LCORL: variants seen among roughly 807,000 people sequenced by gnomAD.
The protein encoded by LCORL is ligand dependent nuclear receptor corepressor like.
Under a neutral mutation model 141.8 loss-of-function variants are expected in LCORL, and 41 were observed. That is an observed-to-expected ratio of 0.29 (90% CI 0.23 to 0.38). The LOEUF (loss-of-function observed/expected upper bound fraction) is 0.38, where lower values mean the gene tolerates loss of function less well. Ranked by LOEUF, LCORL falls within the 10% of genes least tolerant of loss-of-function variation. LCORL has a pLI of 1.00. For synonymous variants in LCORL, 618 were observed against 694.1 expected (o/e 0.89, Z 1.72); for missense variants, 1,759 against 2,035.0 (o/e 0.86, Z 2.61).
chr4:17,965,897 T>A lies in LCORL; in HGVS notation c.221-2848A>T, dbSNP rs565113620. Reference sequence around the variant, plus strand: ...AGTGTTTTAATGCTTTTTGGTCCCTTTAATCCATAGGCTGTAAATTTAGCG... The same window carrying A: ...AGTGTTTTAATGCTTTTTGGTCCCTATAATCCATAGGCTGTAAATTTAGCG... On this transcript the variant is annotated intron_variant, in intron 2 of 7. Transcript: ENST00000635767. Among the ~76,000 whole-genome samples, 8 of 152,236 alleles carry A rather than the reference T, an allele frequency of 5.3e-5. No individual in the cohort carries two copies. In the South Asian group the frequency reaches 1.7e-3, roughly 32 times the overall value.
intron 5 of LCORL, among the ~76,000 whole-genome samples, chr4:17,887,779 G>T (rs1427607541): frequency 6.6e-6 from 1 of 152,152 alleles, no homozygotes; most frequent in Non-Finnish European, 1.5e-5. Context: ...TGGGAGAATG[G>T]ACCGCAAGGA....
At chr4:17,942,026 C>A (rs1480735539) in intron 4 of LCORL, among the ~76,000 whole-genome samples, 1 of 151,984 alleles carries the variant, frequency 6.6e-6, no homozygotes, top group African/African-American at 2.4e-5. Flanking sequence ...AGGGGTGCCA[C>A]AAATATCTGA....
At chr4:18,010,426 A>G (rs1226701724) in intron 1 of LCORL, among the ~76,000 whole-genome samples, 2 of 151,340 alleles carry the variant, frequency 1.3e-5, no homozygotes, top group African/African-American at 4.9e-5. Context: ...ATATATATGT[A>G]TGTATGTATA....
chr4:17,931,645 C>T (rs1302383395), intron 4 of LCORL, among the ~76,000 whole-genome samples: 1 of 151,946 alleles, frequency 6.6e-6, no homozygotes, highest in Non-Finnish European at 1.5e-5. Flanking sequence ...TGATGTCCAT[C>T]TTTATTGCAT....
chr4:17,877,415 A>G, exon 7 of LCORL: 3 of 1,230,110 alleles, frequency 2.4e-6, no homozygotes. Context: ...GAAAAATTAC[A>G]GCAGTTTCAC....
chr4:17,996,652 T>C (rs1322161000), intron 1 of LCORL, among the ~76,000 whole-genome samples: 1 of 152,006 alleles, frequency 6.6e-6, no homozygotes, highest in African/African-American at 2.4e-5. Flanking sequence ...TATATTCCTC[T>C]GTAAAATTTC....
At chr4:17,897,808 G>A (rs1306581532) in intron 5 of LCORL, among the ~76,000 whole-genome samples, 1 of 152,108 alleles carries the variant, frequency 6.6e-6, no homozygotes, top group African/African-American at 2.4e-5. Context: ...AGCACAAGAT[G>A]TTCCAGGCTC....
exon 8 of LCORL, chr4:17,841,872 CA>C (rs1338763220): frequency 6.4e-6 from 1 of 155,114 alleles, no homozygotes; most frequent in Non-Finnish European, 1.4e-5. Context: ...TATGTTTTAT[CA>C]CCTTCCAAGA....
At chr4:17,885,404 T>TTTCA (rs1728132038) in intron 6 of LCORL, among the ~76,000 whole-genome samples, 1 of 151,968 alleles carries the variant, frequency 6.6e-6, no homozygotes, top group Non-Finnish European at 1.5e-5. Context: ...ACTCAAATAC[T>TTTCA]ACTACAGCCG....
intron 4 of LCORL, among the ~76,000 whole-genome samples, chr4:17,945,424 C>A (rs1271356668): frequency 2.0e-5 from 3 of 149,430 alleles, no homozygotes; most frequent in Non-Finnish European, 3.0e-5. Context: ...TTTTTTTTTA[C>A]ACTAGAATTT....
chr4:17,942,296 A>C (rs898154094), intron 4 of LCORL, among the ~76,000 whole-genome samples: 1 of 152,176 alleles, frequency 6.6e-6, no homozygotes, highest in African/African-American at 2.4e-5. Flanking sequence ...ATTTAAATGC[A>C]TTATTCTCTG....
chr4:17,991,397 CA>C (rs1719988043), intron 1 of LCORL, among the ~76,000 whole-genome samples: 2 of 152,288 alleles, frequency 1.3e-5, no homozygotes, highest in African/African-American at 4.8e-5. Context: ...CTATTTGTGT[CA>C]CACAATTCAA....
At position 17,963,059 on chromosome 4, in the gene LCORL, A is replaced by AG; in HGVS notation, c.221-11dup. The AG allele has an allele frequency of 6.5e-7, 1 of 1,534,730 alleles. No individual in the cohort carries two copies. The highest frequency in any genetic ancestry group is 8.9e-7 in the Non-Finnish European group (1 of 1,125,480). The stretch of plus-strand genomic sequence containing the variant: ...TCTTCTGGTTCACAGTCTTTAAAAG[A>AG]GGGAAAAAATTCATTAAATATACTA... On this transcript the variant is annotated splice_polypyrimidine_tract_variant and intron_variant, in intron 2 of 7. Coordinates refer to ENST00000635767, the Ensembl canonical transcript of LCORL.
rs559993236 is a variant in LCORL, at chr4:18,013,738, G to A, written c.154+7860C>T. On this transcript the variant is annotated intron_variant, in intron 1 of 7. Coordinates refer to ENST00000635767, the Ensembl canonical transcript of LCORL. ...GCACATACTAGTCAGAAAAGAATTG[G>A]CCAATTTGAATTAATGGAGAAAGCT... 2.6e-5 allele frequency among the ~76,000 whole-genome samples: 4 copies of A among 152,150 alleles called. No individual in the cohort carries two copies. The East Asian group carries it at 7.7e-4, about 29-fold the overall frequency.
chr4:17,947,503 G>C (rs963713630), intron 4 of LCORL, among the ~76,000 whole-genome samples: 4 of 151,796 alleles, frequency 2.6e-5, no homozygotes, highest in Non-Finnish European at 5.9e-5. Flanking sequence ...GTGATGAATA[G>C]AGTTAAAAAT....
chr4:17,908,393 AATG>A (rs1340649222), intron 5 of LCORL, among the ~76,000 whole-genome samples: 2 of 152,192 alleles, frequency 1.3e-5, no homozygotes, highest in African/African-American at 4.8e-5. Context: ...AATCAAATTT[AATG>A]ATGACTTTTT....
In LCORL at chr4:17,877,301, A is replaced by G. The variant is rs957109609; in HGVS notation, c.1689T>C (p.Asp563=). ...ATGTTATGAAATCTCCCAATTTTAA[A>G]TCATTATATGTATTATAATCACTGC... is the stretch of plus-strand genomic sequence containing the variant. Residue 563 remains aspartate (D), a synonymous_variant, in exon 7 of 8, where the codon GAT becomes GAC. Coordinates refer to ENST00000635767, the Ensembl canonical transcript of LCORL. 1.7e-5 allele frequency: 21 copies of G among 1,228,990 alleles called. No individual in the cohort carries two copies. The African/African-American group carries it at 3.0e-4, about 17-fold the overall frequency. 76.1% of individuals were successfully genotyped at this position (1,228,990 alleles called of 1,614,324 possible).
intron 2 of LCORL, among the ~76,000 whole-genome samples, chr4:17,970,364 T>C (rs1715691872): frequency 6.6e-6 from 1 of 152,242 alleles, no homozygotes; most frequent in Non-Finnish European, 1.5e-5. Flanking sequence ...CCTGTTTATG[T>C]GGTATTGCAA....
chr4:18,016,456 C>T (rs1724651727), intron 1 of LCORL, among the ~76,000 whole-genome samples: 1 of 152,136 alleles, frequency 6.6e-6, no homozygotes, highest in Non-Finnish European at 1.5e-5. Flanking sequence ...TTATTATTAA[C>T]AGGCTTTAAT....
Sources: allele counts gnomAD v4.1 joint callset (sites outside exome capture counted in the v4.1 genomes callset), GRCh38; gene constraint gnomAD v4.1.1; transcripts MANE v1.5; gene names NCBI Gene and HGNC (gene_info 2026-07-23, HGNC 2026-07-21).